The following ASXL2 variants were observed in gnomAD, a reference collection of about 807,000 sequenced individuals.
ASXL2 encodes ASXL transcriptional regulator 2.
A neutral mutation model predicts 122.0 loss-of-function variants in ASXL2; 23 were observed. The ratio of observed to expected loss-of-function variants is 0.19; its 90% CI spans 0.14 to 0.27. ASXL2 has a LOEUF of 0.27. ASXL2 is among the 10% of genes least tolerant of loss of function. ASXL2 has a pLI of 1.00. For missense variants in ASXL2, 1,518 were observed against 1,713.8 expected, an observed-to-expected ratio of 0.89 and a Z score of 2.02; for synonymous variants, 650 against 637.0, an observed-to-expected ratio of 1.02 and a Z score of -0.31.
chr2:25,802,885 C>T (rs1359802342), intron 4 of ASXL2, among the ~76,000 whole-genome samples: 7 of 152,212 alleles, frequency 4.6e-5, no homozygotes, highest in Non-Finnish European at 1.0e-4. Flanking sequence ...AATCCCAGCA[C>T]TTTGGTAGGC....
chr2:25,763,064 CAT>C (rs2088282327), intron 8 of ASXL2, among the ~76,000 whole-genome samples: 2 of 152,132 alleles, frequency 1.3e-5, no homozygotes, highest in Admixed American at 1.3e-4. Context: ...AACTTCAAAA[CAT>C]GTGAAATAAA....
intron 3 of ASXL2, among the ~76,000 whole-genome samples, chr2:25,828,844 A>AC (rs1370481206): frequency 8.6e-5 from 13 of 151,330 alleles, no homozygotes; most frequent in African/African-American, 3.2e-4. Context: ...AAAAAAAAAA[A>AC]AAAACAACAA....
chr2:25,748,814 C>T (rs1425179392), intron 12 of ASXL2, among the ~76,000 whole-genome samples: 2 of 152,170 alleles, frequency 1.3e-5, no homozygotes, highest in African/African-American at 2.4e-5. Flanking sequence ...TTTTAAAAGG[C>T]ATTGTATATT....
chr2:25,733,963 T>C lies in ASXL2; in HGVS notation c.*8066A>G, dbSNP rs1261786062. 1 of 152,154 alleles carries C rather than the reference T, an allele frequency of 6.6e-6. No homozygotes were observed. Among genetic ancestry groups the C allele is most frequent in the Non-Finnish European group, 1.5e-5 (1 of 68,034 alleles). The allele number at this position is 152,154 out of a possible 1,614,324, so 9.4% of individuals were successfully genotyped here. A position where few individuals can be genotyped will look rare whatever the true frequency, so the allele number is the denominator to read the frequency against. ...CTAAGGCCTATGCGCACAAAGATTT[T>C]AAGTGAATAAGAATTACATACGGTA... On this transcript the variant is annotated 3_prime_UTR_variant, in exon 13 of 13. Transcript: ENST00000435504.
intron 1 of ASXL2, among the ~76,000 whole-genome samples, chr2:25,866,757 G>C (rs2089908354): frequency 6.6e-6 from 1 of 152,026 alleles, no homozygotes; most frequent in South Asian, 2.1e-4. Flanking sequence ...ATCTGAGATA[G>C]AGTCTTGCTC....
intron 10 of ASXL2, 148 bp downstream of exon 10, chr2:25,755,870 T>G (rs2088121246): frequency 4.6e-6 from 3 of 656,366 alleles, no homozygotes; most frequent in Non-Finnish European, 7.9e-6. Context: ...GATAAAAGTT[T>G]AACAACGTGT....
chr2:25,871,580 A>C (rs1041257314), intron 1 of ASXL2, among the ~76,000 whole-genome samples: 1 of 152,230 alleles, frequency 6.6e-6, no homozygotes, highest in African/African-American at 2.4e-5. Flanking sequence ...TTATGAAATT[A>C]ACACAAAATT....
intron 4 of ASXL2, among the ~76,000 whole-genome samples, chr2:25,804,068 C>T (rs1290174393): frequency 1.3e-5 from 2 of 151,840 alleles, no homozygotes; most frequent in African/African-American, 4.8e-5. Context: ...ACAGCTAAAA[C>T]CAAAAAGAAA....
At chr2:25,818,459 C>T (rs184067568) in intron 3 of ASXL2, among the ~76,000 whole-genome samples, 17 of 152,178 alleles carry the variant, frequency 1.1e-4, no homozygotes, top group African/African-American at 4.1e-4. Flanking sequence ...TGCAGTAAGC[C>T]GAGATCATGC....
At chr2:25,867,232 T>A (rs772582414) in intron 1 of ASXL2, among the ~76,000 whole-genome samples, 2 of 152,050 alleles carry the variant, frequency 1.3e-5, no homozygotes, top group Non-Finnish European at 2.9e-5. Context: ...AGACAGGTTC[T>A]ATCTAAAAAA....
At chr2:25,781,216 T>C (rs1326310715) in intron 5 of ASXL2, among the ~76,000 whole-genome samples, 1 of 152,096 alleles carries the variant, frequency 6.6e-6, no homozygotes, top group African/African-American at 2.4e-5. Context: ...TTGAGTTGTT[T>C]CAACATTTTG....
At position 25,757,674 on chromosome 2, in the gene ASXL2, CAAAAAAAAA is replaced by C. The variant is rs60732948; in HGVS notation, c.940-1569_940-1561del. On this transcript the variant is annotated intron_variant, in intron 9 of 12. Coordinates refer to ENST00000435504, the MANE Select transcript of ASXL2 (RefSeq NM_018263.6). ...CAGGCGACAGAGGGAGACTCCATCT[CAAAAAAAAA>C]AAAAAAAAAAAAAAAAAAGAATACC... Among the ~76,000 whole-genome samples, 4 of 35,828 alleles carry C rather than the reference CAAAAAAAAA, an allele frequency of 1.1e-4. No individual in the cohort carries two copies. In the South Asian group the frequency reaches 6.2e-3, roughly 55 times the overall value. 23.5% of individuals were successfully genotyped at this position (35,828 alleles called of 152,430 possible).
intron 5 of ASXL2, among the ~76,000 whole-genome samples, chr2:25,794,671 C>T (rs963996142): frequency 6.6e-6 from 1 of 152,148 alleles, no homozygotes; most frequent in East Asian, 1.9e-4. Context: ...AAGTTTCTAT[C>T]GATTTTCAAC....
intron 12 of ASXL2, among the ~76,000 whole-genome samples, chr2:25,746,540 A>C (rs1371055779): frequency 6.6e-6 from 1 of 151,806 alleles, no homozygotes. Flanking sequence ...AAAAAAGTAA[A>C]TACAAGAAAG....
intron 5 of ASXL2, among the ~76,000 whole-genome samples, chr2:25,787,840 G>T (rs1193186078): frequency 1.3e-5 from 2 of 152,176 alleles, no homozygotes; most frequent in Non-Finnish European, 2.9e-5. Flanking sequence ...ATCATAGCAG[G>T]TTGAGGGGAG....
At chr2:25,765,440 C>T (rs6546461) in intron 8 of ASXL2, among the ~76,000 whole-genome samples, 101,028 of 151,630 alleles carry the variant, frequency 0.67, 35,007 homozygotes, top group Non-Finnish European at 0.77. Context: ...GAGCCGAGAT[C>T]GGGCCACTGC....
rs776161059 is a variant in ASXL2 at position 25,742,521 on chromosome 2, C to A, written c.3816G>T (p.Gln1272His). Residue 1272 changes from glutamine to histidine, a missense_variant, in exon 13 of 13, where the codon CAG (glutamine) becomes CAT (histidine). Coordinates refer to ENST00000435504, the MANE Select transcript of ASXL2 (RefSeq NM_018263.6). The stretch of plus-strand genomic sequence containing the variant: ...CCTTACCTCTCACTGCATGAGCCAT[C>A]TGCTTCTGTGCTGCCTGAATTAAAT... ...ARDLIQAAQK[Q>H]MAHAVRGKAI... is the part of the protein sequence containing the mutation. 7.0e-5 allele frequency: 113 copies of A among 1,613,856 alleles called. No individual in the cohort carries two copies. The highest frequency in any genetic ancestry group is 8.9e-5 in the Non-Finnish European group (105 of 1,179,904).
chr2:25,771,389 GT>G, intron 6 of ASXL2, 50 bp downstream of exon 6: 2 of 1,521,094 alleles, frequency 1.3e-6, no homozygotes, highest in Non-Finnish European at 1.8e-6. Flanking sequence ...AGAGGTGTGC[GT>G]TTTAAATACA....
intron 2 of ASXL2, among the ~76,000 whole-genome samples, chr2:25,838,666 C>T (rs755236042): frequency 1.3e-5 from 2 of 152,180 alleles, no homozygotes; most frequent in Non-Finnish European, 2.9e-5. Context: ...GCACTAGGTG[C>T]TCTTTGTTTC....
Sources: gnomAD v4.1 joint callset for allele counts (sites outside exome capture counted in the v4.1 genomes callset) on GRCh38, gnomAD v4.1.1 for gene constraint, MANE v1.5 for transcripts, NCBI Gene and HGNC (gene_info 2026-07-23, HGNC 2026-07-21) for gene names.